AGMO: variants seen among roughly 807,000 people sequenced by gnomAD.
AGMO encodes the protein glyceryl-ether monooxygenase.
A neutral mutation model predicts 60.2 loss-of-function variants in AGMO; 75 were observed. The ratio of observed to expected loss-of-function variants is 1.25; its 90% CI spans 1.03 to 1.51. The LOEUF (loss-of-function observed/expected upper bound fraction) is 1.51. Among genes scored for constraint, AGMO ranks in the 40% most tolerant of loss-of-function variants. The pLI, the probability that AGMO is intolerant of heterozygous loss-of-function variation, is 0.00. For synonymous variants in AGMO, 261 were observed against 177.1 expected (o/e 1.47, Z -3.76); for missense variants, 763 against 525.5 (o/e 1.45, Z -4.42).
chr7:15,256,466 C>G (rs1275291310), intron 12 of AGMO, among the ~76,000 whole-genome samples: 2 of 152,170 alleles, frequency 1.3e-5, no homozygotes, highest in Non-Finnish European at 2.9e-5. Context: ...CCTCAGCCTC[C>G]CGAGTAGCTG....
intron 10 of AGMO, among the ~76,000 whole-genome samples, chr7:15,371,917 TTAAG>T (rs10539548): frequency 0.21 from 31,353 of 151,636 alleles, 3,438 homozygotes; most frequent in African/African-American, 0.3. Flanking sequence ...TATTAAATTA[TTAAG>T]TGTTTCTAAA....
chr7:15,201,088 G>A lies in AGMO; in HGVS notation c.*197C>T. On this transcript the variant is annotated 3_prime_UTR_variant, in exon 13 of 13. Coordinates refer to ENST00000342526, the MANE Select transcript of AGMO (RefSeq NM_001004320.2). ...CTTTTTTTAATTGTAGTAAAGGGGG[G>A]AAGTAACCAAAACTGACTTTAATTT... 1 of 403,232 alleles carries A rather than the reference G, an allele frequency of 2.5e-6. No individual in the cohort carries two copies. Among genetic ancestry groups the A allele is most frequent in the Admixed American group, 4.3e-5 (1 of 23,388 alleles). The allele number at this position is 403,232 out of a possible 1,614,324, so 25.0% of individuals were successfully genotyped here.
intron 5 of AGMO, among the ~76,000 whole-genome samples, chr7:15,415,133 C>T (rs1030584009): frequency 6.6e-6 from 1 of 151,950 alleles, no homozygotes; most frequent in African/African-American, 2.4e-5. Context: ...TTTAATATTT[C>T]TGTTCATGAA....
At chr7:15,277,353 ATTAT>A (rs1701275495) in intron 12 of AGMO, among the ~76,000 whole-genome samples, 1 of 102,204 alleles carries the variant, frequency 9.8e-6, no homozygotes, top group South Asian at 4.3e-4. Context: ...AAATAAATAA[ATTAT>A]GTGTCATTTC....
At chr7:15,464,598 G>C (rs980659615) in intron 3 of AGMO, among the ~76,000 whole-genome samples, 1 of 152,134 alleles carries the variant, frequency 6.6e-6, no homozygotes, top group Non-Finnish European at 1.5e-5. Flanking sequence ...TAATCTAAGA[G>C]GAACGTCTTC....
chr7:15,551,153 T>G (rs150344855), intron 2 of AGMO, among the ~76,000 whole-genome samples: 17 of 152,208 alleles, frequency 1.1e-4, no homozygotes, highest in Admixed American at 6.5e-4. Flanking sequence ...AATTAGATAT[T>G]GATGGGACGT....
intron 12 of AGMO, among the ~76,000 whole-genome samples, chr7:15,247,366 T>C (rs191737327): frequency 6.5e-4 from 97 of 149,958 alleles, no homozygotes; most frequent in African/African-American, 1.9e-3. Flanking sequence ...AAAACAAGGA[T>C]AGTCTCCAAG....
chr7:15,529,638 A>C (rs368513843), intron 3 of AGMO, among the ~76,000 whole-genome samples: 1 of 12,296 alleles, frequency 8.1e-5, no homozygotes, highest in African/African-American at 4.4e-4. Context: ...TATAGAATAT[A>C]TATATATACT....
At chr7:15,266,599 G>A (rs912957126) in intron 12 of AGMO, among the ~76,000 whole-genome samples, 1 of 151,652 alleles carries the variant, frequency 6.6e-6, no homozygotes, top group African/African-American at 2.4e-5. Flanking sequence ...GCTTTCTCGG[G>A]TGCCCACAGT....
At chr7:15,137,510 G>A in the AGMO span, among the ~76,000 whole-genome samples, 6 of 152,202 alleles carry the variant, frequency 3.9e-5, no homozygotes, top group Non-Finnish European at 5.9e-5. Flanking sequence ...GAAAGTTTTA[G>A]GGGAAGGAGG....
intron 12 of AGMO, among the ~76,000 whole-genome samples, chr7:15,295,283 G>A (rs1225000457): frequency 6.6e-6 from 1 of 151,900 alleles, no homozygotes; most frequent in East Asian, 1.9e-4. Flanking sequence ...AAAGAGAAAT[G>A]TATCTATTTA....
chr7:15,175,546 C>G, the AGMO span, among the ~76,000 whole-genome samples: 54,096 of 151,506 alleles, frequency 0.36, 10,650 homozygotes, highest in Middle Eastern at 0.45. Context: ...CTCTTTTATT[C>G]TCTCTCTCCT....
Position 15,418,550 on chromosome 7 carries a change from A to T in AGMO, c.609+8T>A, listed in dbSNP as rs1233115471. ...TATAAAACTTACAAAGATAAAAAAA[A>T]GTTTTACCTCTGTATGGATCCAAAA... On this transcript the variant is annotated splice_region_variant and intron_variant, in intron 5 of 12. Transcript: ENST00000342526. 6.5e-7 allele frequency: 1 copy of T among 1,545,440 alleles called. No individual in the cohort carries two copies. The highest frequency in any genetic ancestry group is 1.2e-5 in the South Asian group (1 of 86,588).
chr7:15,512,117 T>C (rs1783691930), intron 3 of AGMO, among the ~76,000 whole-genome samples: 1 of 152,164 alleles, frequency 6.6e-6, no homozygotes, highest in Non-Finnish European at 1.5e-5. Context: ...CTCATACAAA[T>C]GTTGCAATTT....
intron 3 of AGMO, among the ~76,000 whole-genome samples, chr7:15,502,337 G>A (rs1375451287): frequency 4.6e-5 from 7 of 150,954 alleles, no homozygotes. Flanking sequence ...ACACATTTCT[G>A]GCAGCATGGG....
chr7:15,457,693 G>A (rs1209700511), intron 3 of AGMO, among the ~76,000 whole-genome samples: 4 of 151,926 alleles, frequency 2.6e-5, no homozygotes, highest in Non-Finnish European at 5.9e-5. Flanking sequence ...CTTTTTTAAG[G>A]GTTTATGACT....
At chr7:15,253,552 T>A (rs904923249) in intron 12 of AGMO, among the ~76,000 whole-genome samples, 10 of 152,114 alleles carry the variant, frequency 6.6e-5, no homozygotes, top group Non-Finnish European at 1.5e-4. Flanking sequence ...AGGATGGTAT[T>A]ACATCTTTTT....
intron 5 of AGMO, among the ~76,000 whole-genome samples, chr7:15,399,480 A>AT (rs1314616487): frequency 6.6e-6 from 1 of 152,178 alleles, no homozygotes; most frequent in Admixed American, 6.5e-5. Flanking sequence ...AACTTAAAAC[A>AT]TTTTTTGGGG....
chr7:15,351,980 T>C (rs894464721), intron 12 of AGMO, among the ~76,000 whole-genome samples: 3 of 152,214 alleles, frequency 2.0e-5, no homozygotes, highest in Admixed American at 2.0e-4. Context: ...TACATTAGAA[T>C]CTGCAAATAA....
Sources: allele counts gnomAD v4.1 joint callset (sites outside exome capture counted in the v4.1 genomes callset), GRCh38; gene constraint gnomAD v4.1.1; transcripts MANE v1.5; gene names NCBI Gene and HGNC (gene_info 2026-07-23, HGNC 2026-07-21).